GRM5: variants seen among roughly 807,000 people sequenced by gnomAD.
GRM5 encodes the protein metabotropic glutamate receptor 5.
A neutral mutation model predicts 83.1 loss-of-function variants in GRM5; 19 were observed. The observed-to-expected ratio is 0.23, with a 90% CI of 0.16 to 0.34. GRM5 has a LOEUF of 0.34. GRM5 is among the 10% of genes least tolerant of loss of function. The probability of loss-of-function intolerance (pLI) is 1.00; values close to 1 mark genes in which losing one functional copy is unlikely to be tolerated. For missense variants in GRM5, 1,160 were observed against 1,588.3 expected, an observed-to-expected ratio of 0.73 and a Z score of 4.58; for synonymous variants, 675 against 633.6, an observed-to-expected ratio of 1.07 and a Z score of -0.98.
chr11:88,879,371 T>C lies in GRM5; in HGVS notation c.662-29216A>G, dbSNP rs1394199608. 4.6e-5 allele frequency among the ~76,000 whole-genome samples: 7 copies of C among 151,710 alleles called. No homozygotes were observed. In the South Asian group the frequency reaches 6.2e-4, roughly 13 times the overall value. ...AAAATAAACAATTCAATTTTTTACA[T>C]TGGGAAAATTTTAAATAGAGATACC... On this transcript the variant is annotated intron_variant, in intron 2 of 9. Transcript: ENST00000305447.
At chr11:88,734,328 AT>A (rs1941866464) in intron 3 of GRM5, among the ~76,000 whole-genome samples, 1 of 152,048 alleles carries the variant, frequency 6.6e-6, no homozygotes, top group Non-Finnish European at 1.5e-5. Context: ...TTTTAAAAAG[AT>A]AAGTGTTGGC....
chr11:88,792,740 G>A (rs1943200028), intron 3 of GRM5, among the ~76,000 whole-genome samples: 1 of 152,060 alleles, frequency 6.6e-6, no homozygotes, highest in African/African-American at 2.4e-5. Context: ...ACATGGTTCT[G>A]AGGTGAAATA....
At chr11:88,731,569 T>A (rs930145279) in intron 3 of GRM5, among the ~76,000 whole-genome samples, 1 of 152,048 alleles carries the variant, frequency 6.6e-6, no homozygotes, top group Non-Finnish European at 1.5e-5. Flanking sequence ...CACTGGAATA[T>A]TTTGGTTTAT....
At chr11:88,647,357 C>T (rs1939490174) in intron 4 of GRM5, among the ~76,000 whole-genome samples, 2 of 89,572 alleles carry the variant, frequency 2.2e-5, no homozygotes, top group South Asian at 1.5e-3. Context: ...AAGTATAAGA[C>T]ACTCCTTAGA....
intron 5 of GRM5, among the ~76,000 whole-genome samples, chr11:88,602,021 T>C (rs187877024): frequency 3.1e-4 from 47 of 152,224 alleles, no homozygotes; most frequent in Non-Finnish European, 6.0e-4. Flanking sequence ...GGTAAAATAG[T>C]AAAGGTCCAT....
At chr11:88,598,029 C>T (rs1287161399) in intron 5 of GRM5, among the ~76,000 whole-genome samples, 2 of 152,024 alleles carry the variant, frequency 1.3e-5, no homozygotes, top group Non-Finnish European at 2.9e-5. Context: ...AACTTACAAG[C>T]CTTTTCTTAT....
intron 2 of GRM5, among the ~76,000 whole-genome samples, chr11:88,910,902 T>C (rs1945486063): frequency 6.6e-6 from 1 of 151,964 alleles, no homozygotes; most frequent in Non-Finnish European, 1.5e-5. Flanking sequence ...CCAAGAAATA[T>C]TTTAAAATTG....
intron 6 of GRM5, 38 bp from the exon 7 acceptor site, chr11:88,590,765 T>G (rs765918079): frequency 6.4e-7 from 1 of 1,567,936 alleles, no homozygotes; most frequent in Non-Finnish European, 8.8e-7. Context: ...TTTTTTTGCA[T>G]AGATAAAAAT....
chr11:88,963,682 G>A (rs1416541833), intron 2 of GRM5, among the ~76,000 whole-genome samples: 3 of 152,092 alleles, frequency 2.0e-5, no homozygotes, highest in Non-Finnish European at 2.9e-5. Flanking sequence ...TAAACCACTT[G>A]TAATTTCTTA....
chr11:88,888,500 G>C (rs1411485959), intron 2 of GRM5, among the ~76,000 whole-genome samples: 2 of 152,040 alleles, frequency 1.3e-5, no homozygotes, highest in African/African-American at 4.8e-5. Context: ...GTTTTCAATG[G>C]CCCTTTTATG....
intron 3 of GRM5, among the ~76,000 whole-genome samples, chr11:88,843,710 C>T (rs938408273): frequency 6.6e-6 from 1 of 151,984 alleles, no homozygotes; most frequent in Admixed American, 6.6e-5. Flanking sequence ...AAATATAGGC[C>T]AAAAATTAGG....
intron 5 of GRM5, among the ~76,000 whole-genome samples, chr11:88,602,240 G>T (rs1938020339): frequency 6.6e-6 from 1 of 152,106 alleles, no homozygotes; most frequent in African/African-American, 2.4e-5. Context: ...GTTTATTAGG[G>T]AGTGCTATTA....
intron 1 of GRM5, among the ~76,000 whole-genome samples, chr11:89,057,039 C>T (rs940584720): frequency 1.3e-5 from 2 of 152,164 alleles, no homozygotes; most frequent in African/African-American, 4.8e-5. Context: ...ATCAGATTCA[C>T]AGCTCACATT....
chr11:88,563,573 G>A (rs772729816), intron 8 of GRM5, among the ~76,000 whole-genome samples: 5 of 152,126 alleles, frequency 3.3e-5, no homozygotes, highest in Non-Finnish European at 7.4e-5. Flanking sequence ...GAGGACAGCA[G>A]AACAGGGCTG....
At chr11:88,536,285 A>C (rs542637171) in intron 8 of GRM5, among the ~76,000 whole-genome samples, 91 of 152,108 alleles carry the variant, frequency 6.0e-4, no homozygotes, top group African/African-American at 2.1e-3. Context: ...CACACACACA[A>C]AAAAGAAAAT....
intron 2 of GRM5, among the ~76,000 whole-genome samples, chr11:88,932,559 G>T (rs1479391067): frequency 6.6e-6 from 1 of 151,904 alleles, no homozygotes; most frequent in Admixed American, 6.6e-5. Context: ...TTAATAAGAT[G>T]TTATATAAAT....
At chr11:88,844,436 TG>T (rs1414553841) in intron 3 of GRM5, among the ~76,000 whole-genome samples, 3 of 151,692 alleles carry the variant, frequency 2.0e-5, no homozygotes, top group Non-Finnish European at 4.4e-5. Context: ...TGCTAATAAT[TG>T]ACAATGTGCC....
At chr11:88,783,954 A>C (rs1267484631) in intron 3 of GRM5, among the ~76,000 whole-genome samples, 1 of 152,086 alleles carries the variant, frequency 6.6e-6, no homozygotes, top group Non-Finnish European at 1.5e-5. Context: ...AGAAGAAAAA[A>C]TAATTCCCCA....
At chr11:88,954,506 T>G (rs189654297) in intron 2 of GRM5, among the ~76,000 whole-genome samples, 1 of 152,192 alleles carries the variant, frequency 6.6e-6, no homozygotes, top group South Asian at 2.1e-4. Flanking sequence ...TTTAGTAATA[T>G]AATCAGGTCT....
Sources: allele counts gnomAD v4.1 joint callset (sites outside exome capture counted in the v4.1 genomes callset), GRCh38; gene constraint gnomAD v4.1.1; transcripts MANE v1.5; gene names NCBI Gene and HGNC (gene_info 2026-07-23, HGNC 2026-07-21).